The following PACRGL variants were observed in gnomAD, a reference collection of about 807,000 sequenced individuals.
PACRGL encodes PACRG-like protein.
Under a neutral mutation model 34.5 loss-of-function variants are expected in PACRGL, and 38 were observed. The ratio of observed to expected loss-of-function variants is 1.10; its 90% CI spans 0.85 to 1.44. PACRGL has a LOEUF of 1.44. Among genes scored for constraint, PACRGL ranks in the 40% most tolerant of loss-of-function variants. The pLI is 0.00. For synonymous variants in PACRGL, 128 were observed against 100.1 expected (o/e 1.28, Z -1.66); for missense variants, 305 against 281.4 (o/e 1.08, Z -0.60).
upstream of PACRGL, among the ~76,000 whole-genome samples, chr4:20,697,480 G>T (rs561923199): frequency 2.8e-4 from 43 of 152,186 alleles, no homozygotes; most frequent in South Asian, 3.1e-3. Context: ...AACTCATAAG[G>T]TTATATAATA....
intron 4 of PACRGL, among the ~76,000 whole-genome samples, chr4:20,708,951 A>G (rs574378168): frequency 1.3e-5 from 2 of 148,358 alleles, no homozygotes; most frequent in East Asian, 3.9e-4. Context: ...ACATGGAGGA[A>G]CCCCATCTCT....
chr4:20,702,310 C>A (rs576439718), intron 1 of PACRGL: 1 of 420,356 alleles, frequency 2.4e-6, no homozygotes, highest in East Asian at 7.2e-5. Flanking sequence ...TGCTGTGCAT[C>A]GCTTTTATCT....
chr4:20,698,541 C>T (rs1731342922), upstream of PACRGL, among the ~76,000 whole-genome samples: 1 of 152,172 alleles, frequency 6.6e-6, no homozygotes, highest in Admixed American at 6.5e-5. Context: ...GTTAGCTCCC[C>T]CTGGATGCCT....
intron 1 of PACRGL, among the ~76,000 whole-genome samples, chr4:20,704,127 T>C (rs886677607): frequency 1.3e-5 from 2 of 152,196 alleles, no homozygotes; most frequent in Non-Finnish European, 2.9e-5. Flanking sequence ...TGACAGGGAA[T>C]GTACCAACCA....
intron 7 of PACRGL, among the ~76,000 whole-genome samples, chr4:20,713,829 A>G (rs1463016321): frequency 6.6e-6 from 1 of 152,022 alleles, no homozygotes; most frequent in African/African-American, 2.4e-5. Context: ...CTTAATCCTG[A>G]GTTCTAGTTT....
chr4:20,707,870 G>A lies in PACRGL; in HGVS notation c.275G>A (p.Arg92Lys). 6.2e-7 allele frequency: 1 copy of A among 1,608,372 alleles called. No homozygotes were observed. Among genetic ancestry groups the A allele is most frequent in the Non-Finnish European group, 8.5e-7 (1 of 1,175,162 alleles). ...AIYSKGGIPC[R>K]LVHGSVKHRL... ...TACTCTAAAGGAGGTATTCCTTGCA[G>A]GTAAAATCAATATGATTTATAACTG... Residue 92 changes from arginine (R) to lysine (K), a missense_variant and splice_region_variant, in exon 4 of 9, where the codon AGA (arginine) becomes AAA (lysine). Coordinates refer to ENST00000503585, the MANE Select transcript of PACRGL (RefSeq NM_001258345.3).
chr4:20,717,203 G>A (rs1352508535), intron 7 of PACRGL, among the ~76,000 whole-genome samples: 1 of 151,964 alleles, frequency 6.6e-6, no homozygotes, highest in Non-Finnish European at 1.5e-5. Context: ...TTGTAAATTT[G>A]TTTGAGTTCT....
rs1239855769 is a variant in PACRGL, at chr4:20,729,232, CTGGAGGATAGAT to C, written c.*1892_*1903del. On this transcript the variant is annotated 3_prime_UTR_variant, in exon 9 of 9. Transcript: ENST00000503585. ...ACTTGTTATTAAGCATTACTATATACTGGAGGATAGATATCCTGACCCTTTGCATATGTCTGT... is the reference window on the plus strand; with the variant it reads ...ACTTGTTATTAAGCATTACTATATACATCCTGACCCTTTGCATATGTCTGT... The C allele has an allele frequency of 6.6e-6, 1 of 152,066 alleles. No individual in the cohort carries two copies. Among genetic ancestry groups the C allele is most frequent in the Non-Finnish European group, 1.5e-5 (1 of 68,014 alleles). 9.4% of individuals were successfully genotyped at this position (152,066 alleles called of 1,614,324 possible).
intron 8 of PACRGL, among the ~76,000 whole-genome samples, chr4:20,746,719 C>T (rs1752496864): frequency 6.6e-6 from 1 of 152,128 alleles, no homozygotes; most frequent in Non-Finnish European, 1.5e-5. Context: ...AAGTACTCAG[C>T]CTAGGGTCTC....
chr4:20,738,932 G>A (rs1750366861), intron 8 of PACRGL, among the ~76,000 whole-genome samples: 1 of 152,206 alleles, frequency 6.6e-6, no homozygotes, highest in Non-Finnish European at 1.5e-5. Flanking sequence ...GGCACACCAG[G>A]AGATTATATA....
upstream of PACRGL, chr4:20,696,440 A>G (rs1377979654): frequency 1.3e-5 from 2 of 152,260 alleles, no homozygotes; most frequent in African/African-American, 2.4e-5. Flanking sequence ...ATATCCTAGC[A>G]GATGACAACA....
downstream of PACRGL, among the ~76,000 whole-genome samples, chr4:20,756,547 C>G (rs1054439341): frequency 6.6e-6 from 1 of 152,152 alleles, no homozygotes; most frequent in Non-Finnish European, 1.5e-5. Context: ...CATCACTTCA[C>G]TCTTCCAGCA....
rs931950413 is a variant in PACRGL, at chr4:20,715,956, C to T, written c.609+2417C>T. 6.3e-6 allele frequency: 4 copies of T among 638,446 alleles called. No homozygotes were observed. In the Admixed American group the frequency reaches 1.2e-4, roughly 19 times the overall value. 39.5% of individuals were successfully genotyped at this position (638,446 alleles called of 1,614,324 possible). ...ATTAACTATGAATGTAAGCAGTGCC[C>T]ATACACTGTCTTGTGTAATTATATG... On this transcript the variant is annotated intron_variant, in intron 7 of 8. Transcript: ENST00000503585.
At chr4:20,727,148 C>G in intron 8 of PACRGL, 137 bp from the exon 9 acceptor site, 1 of 688,698 alleles carries the variant, frequency 1.5e-6, no homozygotes. Flanking sequence ...GCAAAAAGTC[C>G]TTCTTATTTC....
At position 20,712,676 on chromosome 4, in the gene PACRGL, G is replaced by A. The variant is rs535841175; in HGVS notation, c.367-112G>A. 9.6e-5 allele frequency: 94 copies of A among 978,782 alleles called. No individual in the cohort carries two copies. In the African/African-American group the frequency reaches 1.3e-3, roughly 14 times the overall value. The allele number at this position is 978,782 out of a possible 1,614,324, so 60.6% of individuals were successfully genotyped here. ...CTACTGAAATTATAATCATGATTAG[G>A]AAAACAATAATGAAATTTTTGATTT... On this transcript the variant is annotated intron_variant, in intron 5 of 8. Coordinates refer to ENST00000503585, the MANE Select transcript of PACRGL (RefSeq NM_001258345.3).
chr4:20,736,020 A>G (rs1372009049), downstream of PACRGL, among the ~76,000 whole-genome samples: 1 of 152,150 alleles, frequency 6.6e-6, no homozygotes, highest in Non-Finnish European at 1.5e-5. Flanking sequence ...ATTTCTCAAA[A>G]TGTTTTTTCT....
In PACRGL at chr4:20,720,613, G is replaced by T. The variant is rs536377706; in HGVS notation, c.610-4195G>T. Reference sequence around the variant, plus strand: ...TTAGTTTGGCTGGATATGAAATTTTGGGTTGAAAATTCTTTTCTTTAAGGA... The same window carrying T: ...TTAGTTTGGCTGGATATGAAATTTTTGGTTGAAAATTCTTTTCTTTAAGGA... On this transcript the variant is annotated intron_variant, in intron 7 of 8. Transcript: ENST00000503585. 2.9e-4 allele frequency among the ~76,000 whole-genome samples: 44 copies of T among 152,228 alleles called. 1 individual carries two copies. In the South Asian group the frequency reaches 8.7e-3, roughly 30 times the overall value.
chr4:20,721,766 C>T (rs570916308), intron 7 of PACRGL, among the ~76,000 whole-genome samples: 5 of 152,250 alleles, frequency 3.3e-5, no homozygotes, highest in Admixed American at 2.0e-4. Context: ...AGGCTACTCA[C>T]GGGTCAGGGA....
At chr4:20,707,076 A>G (rs1190540300) in intron 3 of PACRGL, among the ~76,000 whole-genome samples, 1 of 152,214 alleles carries the variant, frequency 6.6e-6, no homozygotes, top group African/African-American at 2.4e-5. Flanking sequence ...AATTTAGACA[A>G]CTATTTTTCA....
Sources: gnomAD v4.1 joint callset for allele counts (sites outside exome capture counted in the v4.1 genomes callset) on GRCh38, gnomAD v4.1.1 for gene constraint, MANE v1.5 for transcripts, NCBI Gene and HGNC (gene_info 2026-07-23, HGNC 2026-07-21) for gene names.